The following KLRG1 variants were observed in gnomAD, a reference collection of about 807,000 sequenced individuals.
KLRG1 encodes the protein killer cell lectin like receptor G1.
KLRG1 carries 16 observed loss-of-function variants against 21.8 expected under a neutral mutation model. The observed-to-expected ratio is 0.73, with a 90% confidence interval of 0.50 to 1.11. KLRG1 has a LOEUF of 1.11. KLRG1 is among the 50% of genes most tolerant of loss of function. KLRG1 has a pLI of 0.00. For missense variants in KLRG1, 173 were observed against 218.3 expected (o/e 0.79, Z 1.31); for synonymous variants, 69 against 75.9 (o/e 0.91, Z 0.47).
chr12:8,988,284 A>G (rs901949592), upstream of KLRG1: 2 of 152,170 alleles, frequency 1.3e-5, no homozygotes, highest in Non-Finnish European at 2.9e-5. Flanking sequence ...GGTCCTAGAT[A>G]GAAAGCTAGG....
chr12:9,153,311 C>T, the KLRG1 span: 1 of 1,614,048 alleles, frequency 6.2e-7, no homozygotes, highest in South Asian at 1.1e-5. Context: ...CTGCTCCATA[C>T]CTGGACAGGG....
At chr12:9,104,431 T>C in the KLRG1 span, 7 of 1,553,602 alleles carry the variant, frequency 4.5e-6, no homozygotes, top group African/African-American at 9.5e-5. Context: ...ATTAGTTATA[T>C]TGGTAATAAC....
the KLRG1 span, among the ~76,000 whole-genome samples, chr12:9,180,664 G>A: frequency 1.3e-5 from 2 of 152,194 alleles, no homozygotes; most frequent in Admixed American, 1.3e-4. Flanking sequence ...ATGGATTAAA[G>A]ACTTAAATGT....
the KLRG1 span, among the ~76,000 whole-genome samples, chr12:9,174,765 G>C: frequency 6.6e-6 from 1 of 151,960 alleles, no homozygotes; most frequent in Non-Finnish European, 1.5e-5. Context: ...GGAAGTGAAG[G>C]ACCTCTTCAA....
At chr12:9,095,438 A>C in the KLRG1 span, 1 of 1,152,114 alleles carries the variant, frequency 8.7e-7, no homozygotes, top group Admixed American at 2.4e-5. Flanking sequence ...ATATCCCATT[A>C]CCCTCAACTA....
At chr12:9,074,888 A>C in the KLRG1 span, 24 of 1,182,762 alleles carry the variant, frequency 2.0e-5, no homozygotes, top group Non-Finnish European at 2.3e-5. Flanking sequence ...TGCCCATTAT[A>C]ATCCCCTGTA....
At chr12:9,151,685 A>G in the KLRG1 span, 1 of 1,609,456 alleles carries the variant, frequency 6.2e-7, no homozygotes, top group Admixed American at 1.7e-5. Flanking sequence ...GGAGAGAATT[A>G]GAAAACTTCA....
the KLRG1 span, chr12:9,058,160 A>G: frequency 5.9e-5 from 9 of 152,198 alleles, 1 homozygote; most frequent in African/African-American, 2.2e-4. Flanking sequence ...CTGTGATACG[A>G]CTGACTGTGA....
At chr12:9,078,263 C>T in the KLRG1 span, among the ~76,000 whole-genome samples, 2 of 130,958 alleles carry the variant, frequency 1.5e-5, no homozygotes, top group East Asian at 3.9e-4. Context: ...CATTGCTTAA[C>T]TCCCACTTAT....
At chr12:9,079,580 T>TA in the KLRG1 span, 1 of 1,493,100 alleles carries the variant, frequency 6.7e-7, no homozygotes, top group Admixed American at 1.8e-5. Context: ...AACTGAAACC[T>TA]ACTGGGAAAT....
the KLRG1 span, among the ~76,000 whole-genome samples, chr12:9,054,497 A>C: frequency 6.6e-6 from 1 of 152,180 alleles, no homozygotes; most frequent in Non-Finnish European, 1.5e-5. Context: ...TTTTTATACA[A>C]GCATACAACG....
the KLRG1 span, among the ~76,000 whole-genome samples, chr12:9,168,000 C>T: frequency 6.6e-6 from 1 of 152,092 alleles, no homozygotes; most frequent in African/African-American, 2.4e-5. Context: ...AGTCCATGGC[C>T]CTTTAAAAGG....
the KLRG1 span, among the ~76,000 whole-genome samples, chr12:9,024,236 G>A: frequency 5.3e-5 from 8 of 151,504 alleles, no homozygotes; most frequent in African/African-American, 1.7e-4. Context: ...TATGTTGGCC[G>A]GGCTAGTCTC....
the KLRG1 span, among the ~76,000 whole-genome samples, chr12:9,210,230 G>T: frequency 6.2e-3 from 943 of 152,152 alleles, 14 homozygotes; most frequent in African/African-American, 0.022. Flanking sequence ...ACTCTGCTAG[G>T]CATTTTACTT....
the KLRG1 span, chr12:9,148,960 C>G: frequency 1.9e-6 from 3 of 1,605,688 alleles, no homozygotes; most frequent in Non-Finnish European, 2.6e-6. Flanking sequence ...AAATATACAG[C>G]CTGTATGGTC....
chr12:9,070,535 C>T, the KLRG1 span: 1 of 1,613,930 alleles, frequency 6.2e-7, no homozygotes, highest in East Asian at 2.2e-5. Context: ...ACCATCTTCA[C>T]ATCAACGATC....
chr12:9,185,604 A>G, the KLRG1 span, among the ~76,000 whole-genome samples: 2 of 152,092 alleles, frequency 1.3e-5, no homozygotes, highest in Non-Finnish European at 2.9e-5. Context: ...ATACTTCACA[A>G]GAAAGTCATC....
the KLRG1 span, among the ~76,000 whole-genome samples, chr12:9,022,189 A>G: frequency 6.6e-6 from 1 of 152,196 alleles, no homozygotes; most frequent in Non-Finnish European, 1.5e-5. Context: ...GTTGTTTATT[A>G]TCATTATGAA....
the KLRG1 span, among the ~76,000 whole-genome samples, chr12:9,144,056 T>A: frequency 6.6e-6 from 1 of 152,114 alleles, no homozygotes; most frequent in African/African-American, 2.4e-5. Flanking sequence ...CCGGGTACCA[T>A]GAGAAAGTCA....
Sources: gnomAD v4.1 joint callset for allele counts (sites outside exome capture counted in the v4.1 genomes callset) on GRCh38, gnomAD v4.1.1 for gene constraint, MANE v1.5 for transcripts, NCBI Gene and HGNC (gene_info 2026-07-23, HGNC 2026-07-21) for gene names.